Variants in SETBP1 observed in about 807,000 individuals in gnomAD.
SETBP1 encodes SET-binding protein.
A neutral mutation model predicts 101.0 loss-of-function variants in SETBP1; 9 were observed. The ratio of observed to expected loss-of-function variants is 0.09; its 90% CI spans 0.05 to 0.16. SETBP1 has a LOEUF of 0.16. Among genes scored for constraint, SETBP1 ranks in the 10% least tolerant of loss-of-function variants. SETBP1 has a pLI of 1.00. For synonymous variants in SETBP1, 818 were observed against 788.5 expected, an observed-to-expected ratio of 1.04 and a Z score of -0.63; for missense variants, 1,858 against 2,033.8, an observed-to-expected ratio of 0.91 and a Z score of 1.66.
intron 3 of SETBP1, among the ~76,000 whole-genome samples, chr18:44,939,581 A>G (rs1447943482): frequency 6.6e-6 from 1 of 152,198 alleles, no homozygotes; most frequent in African/African-American, 2.4e-5. Flanking sequence ...GGGTAAATAT[A>G]TGAGTGGAAT....
rs866741311 is a variant in SETBP1, at chr18:44,952,729, C to T, written c.3389C>T (p.Pro1130Leu). ...PVSMGLGDMQ[P>L]SLNPPKVGSA... ...AGCATGGGCCTTGGTGACATGCAGC[C>T]TTCTCTGAACCCTCCCAAGGTAGGC... is the stretch of plus-strand genomic sequence containing the variant. The change falls in exon 4 of 6, where the codon CCT becomes CTT. Residue 1130 changes from proline (P) to leucine (L), a missense_variant. Pro to Leu is a moderately conservative substitution (Grantham distance 98). Around this residue, in one of 12 missense-constraint regions of SETBP1, gnomAD observed 417 missense variants for 389.1 expected, o/e 1.07. Transcript: ENST00000649279. 1 of 1,614,122 alleles carries T rather than the reference C, an allele frequency of 6.2e-7. No individual in the cohort carries two copies. The highest frequency in any genetic ancestry group is 1.7e-5 in the Admixed American group (1 of 60,014).
At chr18:44,843,122 A>C (rs1003327656) in intron 2 of SETBP1, among the ~76,000 whole-genome samples, 1 of 152,190 alleles carries the variant, frequency 6.6e-6, no homozygotes, top group Non-Finnish European at 1.5e-5. Context: ...GCTCAGAAGC[A>C]GTAGCTGCAG....
At chr18:44,786,862 C>G (rs370885094) in intron 2 of SETBP1, among the ~76,000 whole-genome samples, 1 of 152,048 alleles carries the variant, frequency 6.6e-6, no homozygotes, top group Non-Finnish European at 1.5e-5. Context: ...TTGAGTTTGT[C>G]GGGGGAAATG....
chr18:44,866,226 G>C (rs1051088968), intron 2 of SETBP1, among the ~76,000 whole-genome samples: 9 of 152,202 alleles, frequency 5.9e-5, no homozygotes, highest in Non-Finnish European at 1.2e-4. Context: ...CTTGTCCCCA[G>C]TGCCTGAGTT....
At chr18:45,037,161 G>A (rs1313976107) in intron 4 of SETBP1, among the ~76,000 whole-genome samples, 1 of 152,172 alleles carries the variant, frequency 6.6e-6, no homozygotes, top group Non-Finnish European at 1.5e-5. Flanking sequence ...GGCCCAATTT[G>A]TTGTTGCTGC....
In SETBP1 at chr18:45,063,515, A is replaced by G; in HGVS notation, c.4608A>G (p.Pro1536=). ...CGCCCCTGCCGCCACCGCCGCCACCACCCCTGCCCCCGCCACCCCCTCTAC... is the reference window on the plus strand; with the variant it reads ...CGCCCCTGCCGCCACCGCCGCCACCGCCCCTGCCCCCGCCACCCCCTCTAC... The part of the protein sequence containing the change: ...PPPPLPPPPP[P]PLPPPPPLPK... The change falls in exon 6 of 6, where the codon CCA becomes CCG. Residue 1536 remains proline, a synonymous_variant. Transcript: ENST00000649279. The G allele has an allele frequency of 1.7e-5, 11 of 666,068 alleles. No individual in the cohort carries two copies. Among genetic ancestry groups the G allele is most frequent in the South Asian group, 4.4e-5 (1 of 22,774 alleles). The allele number at this position is 666,068 out of a possible 1,614,324, so 41.3% of individuals were successfully genotyped here. A position where few individuals can be genotyped will look rare whatever the true frequency, so the allele number is the denominator to read the frequency against.
At chr18:44,808,969 C>T (rs888042796) in intron 2 of SETBP1, among the ~76,000 whole-genome samples, 1 of 152,170 alleles carries the variant, frequency 6.6e-6, no homozygotes, top group African/African-American at 2.4e-5. Context: ...GTGCAGATTC[C>T]TTCTGTGTTT....
Position 44,984,552 on chromosome 18 carries a change from C to T in SETBP1, c.4000+31212C>T, listed in dbSNP as rs535803571. ...GCCCAGGTCCTAACAGCATACCAGT[C>T]CATGGCCTTGGGTTTGGGGACCCCT... On this transcript the variant is annotated intron_variant, in intron 4 of 5. Transcript: ENST00000649279. 2.0e-4 allele frequency among the ~76,000 whole-genome samples: 30 copies of T among 152,260 alleles called. 1 individual carries two copies. In the Middle Eastern group the frequency reaches 0.02, roughly 104 times the overall value.
At chr18:44,773,240 G>A (rs1447484749) in intron 2 of SETBP1, among the ~76,000 whole-genome samples, 1 of 152,228 alleles carries the variant, frequency 6.6e-6, no homozygotes, top group Non-Finnish European at 1.5e-5. Context: ...CTATCTATTA[G>A]TGGGCATGCA....
At position 44,952,926 on chromosome 18, in the gene SETBP1, G is replaced by C. The variant is rs1181609844; in HGVS notation, c.3586G>C (p.Glu1196Gln). The change falls in exon 4 of 6, where the codon GAG becomes CAG. Residue 1196 changes from glutamate (E) to glutamine (Q), a missense_variant. Glu to Gln is a conservative substitution (Grantham distance 29, BLOSUM62 2). This residue lies in a region of SETBP1 where 417 missense variants were observed against 389.1 expected (regional missense o/e 1.07). Coordinates refer to ENST00000649279, the MANE Select transcript of SETBP1 (RefSeq NM_015559.3). ...LSERLSSADK[E>Q]LPLVSEKNKH... ...CGAGCGGCTGAGTAGCGCAGACAAAGAGCTCCCGCTGGTGAGTGAGAAGAA... is the reference window on the plus strand; with the variant it reads ...CGAGCGGCTGAGTAGCGCAGACAAACAGCTCCCGCTGGTGAGTGAGAAGAA... The C allele has an allele frequency of 6.2e-7, 1 of 1,614,184 alleles. No individual in the cohort carries two copies. The highest frequency in any genetic ancestry group is 8.5e-7 in the Non-Finnish European group (1 of 1,180,028).
At chr18:44,851,277 G>T (rs1413853507) in intron 2 of SETBP1, among the ~76,000 whole-genome samples, 1 of 152,218 alleles carries the variant, frequency 6.6e-6, no homozygotes, top group East Asian at 1.9e-4. Flanking sequence ...CTTCCTGTAG[G>T]AGGTGAGTCT....
In SETBP1 at chr18:44,953,069, A is replaced by G; in HGVS notation, c.3729A>G (p.Thr1243=). The G allele has an allele frequency of 6.2e-7, 1 of 1,614,232 alleles. No individual in the cohort carries two copies. The highest frequency in any genetic ancestry group is 8.5e-7 in the Non-Finnish European group (1 of 1,180,044). ...TLSLSDAQHW[T]QAKEKGDLSS... ...CACTTTCCGACGCCCAGCATTGGAC[A>G]CAGGCCAAGGAAAAAGGAGACTTGA... is the stretch of plus-strand genomic sequence containing the variant. Residue 1243 remains threonine (T), a synonymous_variant, in exon 4 of 6, where the codon ACA becomes ACG. Coordinates refer to ENST00000649279, the MANE Select transcript of SETBP1 (RefSeq NM_015559.3).
intron 2 of SETBP1, among the ~76,000 whole-genome samples, chr18:44,704,725 G>C (rs1018805114): frequency 2.6e-5 from 4 of 152,236 alleles, no homozygotes; most frequent in Non-Finnish European, 5.9e-5. Flanking sequence ...GTGTGGAAAA[G>C]TTTAGTGGCA....
At chr18:44,924,772 A>C (rs1025844787) in intron 3 of SETBP1, among the ~76,000 whole-genome samples, 3 of 152,220 alleles carry the variant, frequency 2.0e-5, no homozygotes, top group Admixed American at 2.0e-4. Flanking sequence ...AAACCAAAGT[A>C]CATTGCTCAT....
chr18:44,702,482 A>G (rs1193554053), intron 2 of SETBP1, among the ~76,000 whole-genome samples: 1 of 152,212 alleles, frequency 6.6e-6, no homozygotes, highest in African/African-American at 2.4e-5. Context: ...TCTGACAAAA[A>G]ATAGCTATAG....
At chr18:44,833,208 T>A (rs112190055) in intron 2 of SETBP1, among the ~76,000 whole-genome samples, 3 of 152,254 alleles carry the variant, frequency 2.0e-5, no homozygotes, top group Non-Finnish European at 2.9e-5. Flanking sequence ...TTCTGATTTA[T>A]GCTGGAGGTG....
rs1064204 is a variant in SETBP1, at chr18:44,952,728, C to G, written c.3388C>G (p.Pro1130Ala). ...TAGCATGGGCCTTGGTGACATGCAG[C>G]CTTCTCTGAACCCTCCCAAGGTAGG... ...PVSMGLGDMQ[P>A]SLNPPKVGSA... The change falls in exon 4 of 6, where the codon CCT (proline) becomes GCT (alanine). Residue 1130 changes from proline (P) to alanine (A), a missense_variant. This residue lies in a region of SETBP1 where 417 missense variants were observed against 389.1 expected (regional missense o/e 1.07). Coordinates refer to ENST00000649279, the MANE Select transcript of SETBP1 (RefSeq NM_015559.3). 2.5e-6 allele frequency: 4 copies of G among 1,613,914 alleles called. No homozygotes were observed. The highest frequency in any genetic ancestry group is 3.3e-5 in the Admixed American group (2 of 59,970).
intron 1 of SETBP1, among the ~76,000 whole-genome samples, chr18:44,691,358 C>T (rs2068928830): frequency 6.6e-6 from 1 of 151,584 alleles, no homozygotes; most frequent in African/African-American, 2.4e-5. Context: ...TTAACCACCC[C>T]CCGCCCCCCA....
intron 2 of SETBP1, among the ~76,000 whole-genome samples, chr18:44,776,067 A>G (rs1431919204): frequency 6.6e-6 from 1 of 152,156 alleles, no homozygotes; most frequent in African/African-American, 2.4e-5. Flanking sequence ...TGAAGTCCGG[A>G]GGTGTGGCTA....
Sources: gnomAD v4.1 joint callset for allele counts (sites outside exome capture counted in the v4.1 genomes callset) on GRCh38, gnomAD v4.1.1 for gene constraint, gnomAD v4.1.1 regional missense constraint, MANE v1.5 for transcripts, NCBI Gene and HGNC (gene_info 2026-07-23, HGNC 2026-07-21) for gene names.